FBN1: variants seen among roughly 807,000 people sequenced by gnomAD.
FBN1 encodes the protein fibrillin 1, also known as fibrillin-1.
In FBN1, 29 loss-of-function variants were observed where a neutral mutation model predicts 365.1. The ratio of observed to expected loss-of-function variants is 0.08; its 90% CI spans 0.06 to 0.11. The LOEUF is 0.11. Ranked by LOEUF, FBN1 falls within the 10% of genes least tolerant of loss-of-function variation. FBN1 has a pLI of 1.00. For missense variants in FBN1, 2,476 were observed against 3,703.2 expected (o/e 0.67, Z 8.60); for synonymous variants, 1,210 against 1,270.5 (o/e 0.95, Z 1.01).
intron 48 of FBN1, 121 bp downstream of exon 48, chr15:48,445,255 A>G: frequency 1.0e-6 from 1 of 966,888 alleles, no homozygotes; most frequent in Non-Finnish European, 1.6e-6. Flanking sequence ...GAGGATTAAT[A>G]TAATTCTACT....
intron 6 of FBN1, among the ~76,000 whole-genome samples, chr15:48,557,380 G>A (rs558592108): frequency 1.4e-4 from 22 of 152,264 alleles, no homozygotes; most frequent in Non-Finnish European, 2.5e-4. Flanking sequence ...TTACTACTCT[G>A]GATGCCGGCC....
rs17363343 is a variant in FBN1 at position 48,552,846 on chromosome 15, G to A, written c.539-15038C>T. Among the ~76,000 whole-genome samples, 743 of 152,302 alleles carry A rather than the reference G, an allele frequency of 4.9e-3. 5 individuals carry two copies. The highest frequency in any genetic ancestry group is 8.1e-3 in the Non-Finnish European group (551 of 68,024). ...ATTAAGAGCAAAGAGATTGAGCAAA[G>A]TAGGTCAAGTGCATAACCAAATTTT... On this transcript the variant is annotated intron_variant, in intron 6 of 65. Transcript: ENST00000316623.
chr15:48,456,875 T>TGC, intron 43 of FBN1, 113 bp from the exon 44 acceptor site: 26 of 1,004,218 alleles, frequency 2.6e-5, no homozygotes, highest in Middle Eastern at 2.2e-4. Context: ...TGTGTGTGCG[T>TGC]GCATGTGTTG....
At chr15:48,577,019 T>G (rs1194872614) in intron 6 of FBN1, among the ~76,000 whole-genome samples, 1 of 152,200 alleles carries the variant, frequency 6.6e-6, no homozygotes, top group African/African-American at 2.4e-5. Context: ...TCCCTTCCAA[T>G]AGCAATTCTT....
intron 2 of FBN1, among the ~76,000 whole-genome samples, chr15:48,614,703 T>C (rs190701638): frequency 2.6e-5 from 4 of 152,312 alleles, no homozygotes; most frequent in African/African-American, 9.6e-5. Context: ...ATGTGCATGA[T>C]GTTAGAGCCT....
chr15:48,505,071 T>G lies in FBN1; in HGVS notation c.1914A>C (p.Glu638Asp), dbSNP rs794728180. The change falls in exon 16 of 66, where the codon GAA becomes GAC. Residue 638 changes from glutamate to aspartate, a missense_variant. Physicochemically the swap from Glu to Asp is conservative, Grantham distance 45 (BLOSUM62 2). Coordinates refer to ENST00000316623, the MANE Select transcript of FBN1 (RefSeq NM_000138.5). ...CVNTDGSYRC[E>D]CFPGLAVGLD... ...GACCCACAGCCAGTCCAGGGAAGCA[T>G]TCACATCTGTAGGAGCCATCAGTGT... The G allele has an allele frequency of 6.2e-7, 1 of 1,614,068 alleles. No homozygotes were observed. The highest frequency in any genetic ancestry group is 1.3e-5 in the African/African-American group (1 of 74,916).
Position 48,496,350 on chromosome 15 carries a change from C to A in FBN1, c.2294-125G>T. ...TCAATTCAAGCAAAAAGGCAAAACT[C>A]CTGTAGCATTAGCTTTTACCTAAAC... On this transcript the variant is annotated intron_variant, in intron 19 of 65. Coordinates refer to ENST00000316623, the MANE Select transcript of FBN1 (RefSeq NM_000138.5). The A allele has an allele frequency of 2.6e-6, 3 of 1,174,228 alleles. No individual in the cohort carries two copies. The South Asian group carries it at 4.0e-5, about 15-fold the overall frequency. 72.7% of individuals were successfully genotyped at this position (1,174,228 alleles called of 1,614,324 possible). A position where few individuals can be genotyped will look rare whatever the true frequency, so the allele number is the denominator to read the frequency against.
chr15:48,463,832 T>C (rs1182040270), intron 41 of FBN1, 67 bp downstream of exon 41: 36 of 1,527,224 alleles, frequency 2.4e-5, no homozygotes, highest in Non-Finnish European at 3.2e-5. Flanking sequence ...GGTGATGAAC[T>C]TGTGAGCTCT....
intron 6 of FBN1, among the ~76,000 whole-genome samples, chr15:48,591,350 G>A (rs544607378): frequency 1.0e-3 from 154 of 151,558 alleles, no homozygotes; most frequent in Non-Finnish European, 1.3e-4. Context: ...ATTCTGTAAA[G>A]GCACCTCCAA....
intron 6 of FBN1, among the ~76,000 whole-genome samples, chr15:48,573,220 C>A (rs879848065): frequency 6.6e-6 from 1 of 152,084 alleles, no homozygotes; most frequent in Non-Finnish European, 1.5e-5. Context: ...TGTGTTTTTC[C>A]ATATATTTAT....
At chr15:48,638,298 G>A (rs1457181562) in intron 2 of FBN1, among the ~76,000 whole-genome samples, 1 of 152,114 alleles carries the variant, frequency 6.6e-6, no homozygotes, top group Non-Finnish European at 1.5e-5. Context: ...TAAATGTTGA[G>A]TCTTTCCACA....
At chr15:48,427,416 T>C (rs1288835426) in intron 58 of FBN1, 151 bp downstream of exon 58, 1 of 813,592 alleles carries the variant, frequency 1.2e-6, no homozygotes, top group African/African-American at 1.7e-5. Context: ...ACCTCAAATG[T>C]CTAAAACTCC....
chr15:48,621,930 G>A (rs1034348351), intron 2 of FBN1, among the ~76,000 whole-genome samples: 7 of 151,704 alleles, frequency 4.6e-5, no homozygotes, highest in East Asian at 1.9e-4. Flanking sequence ...CCTGGGAGGC[G>A]GAGCTTGCAG....
intron 5 of FBN1, among the ~76,000 whole-genome samples, chr15:48,599,205 T>C (rs77607860): frequency 0.013 from 1,928 of 152,270 alleles, 39 homozygotes; most frequent in African/African-American, 0.04. Context: ...TTATTAATCC[T>C]AATAAATATA....
intron 7 of FBN1, 139 bp from the exon 8 acceptor site, chr15:48,534,344 A>G (rs1203423511): frequency 1.2e-6 from 1 of 846,510 alleles, no homozygotes; most frequent in African/African-American, 1.7e-5. Flanking sequence ...TATTTGGAAT[A>G]TGATTAGAGA....
intron 57 of FBN1, 170 bp downstream of exon 57, chr15:48,428,176 G>A: frequency 2.4e-6 from 2 of 826,744 alleles, no homozygotes; most frequent in Non-Finnish European, 4.0e-6. Context: ...CTGCAGGGTG[G>A]TGCTGAGCCC....
intron 37 of FBN1, 137 bp from the exon 38 acceptor site, chr15:48,468,239 T>C (rs2043339279): frequency 7.5e-7 from 1 of 1,339,444 alleles, no homozygotes; most frequent in Non-Finnish European, 1.1e-6. Flanking sequence ...ATGAACATTA[T>C]ACACTACCGA....
At chr15:48,568,336 C>T (rs540631352) in intron 6 of FBN1, among the ~76,000 whole-genome samples, 1 of 152,072 alleles carries the variant, frequency 6.6e-6, no homozygotes, top group Admixed American at 6.5e-5. Context: ...GTGCACTGAA[C>T]AAAACATTGC....
chr15:48,634,032 G>A (rs2140769678), intron 2 of FBN1, among the ~76,000 whole-genome samples: 1 of 152,234 alleles, frequency 6.6e-6, no homozygotes, highest in East Asian at 1.9e-4. Flanking sequence ...GGATGGTCTG[G>A]CTATGGAAGA....
Sources: gnomAD v4.1 joint callset for allele counts (sites outside exome capture counted in the v4.1 genomes callset) on GRCh38, gnomAD v4.1.1 for gene constraint, MANE v1.5 for transcripts, NCBI Gene and HGNC (gene_info 2026-07-23, HGNC 2026-07-21) for gene names.